RND1: variants seen among roughly 807,000 people sequenced by gnomAD.
The protein encoded by RND1 is Rho family GTPase 1, also known as rho-related GTP-binding protein Rho6.
In RND1, 9 loss-of-function variants were observed where a neutral mutation model predicts 27.1. The ratio of observed to expected loss-of-function variants is 0.33; its 90% CI spans 0.20 to 0.58. The LOEUF is 0.58. Among genes scored for constraint, RND1 ranks in the 20% least tolerant of loss-of-function variants. The probability of loss-of-function intolerance (pLI) is 0.86; values close to 1 mark genes in which losing one functional copy is unlikely to be tolerated. For missense variants in RND1, 253 were observed against 292.2 expected, an observed-to-expected ratio of 0.87 and a Z score of 0.98; for synonymous variants, 108 against 115.7, an observed-to-expected ratio of 0.93 and a Z score of 0.43.
rs1461489268 is a variant in RND1 at position 48,857,848 on chromosome 12, G to A, written c.*148C>T. The A allele has an allele frequency of 4.0e-5, 36 of 903,160 alleles. No homozygotes were observed. Among genetic ancestry groups the A allele is most frequent in the Middle Eastern group, 7.0e-4 (2 of 2,858 alleles). The allele number at this position is 903,160 out of a possible 1,614,324, so 55.9% of individuals were successfully genotyped here. On this transcript the variant is annotated 3_prime_UTR_variant, in exon 5 of 5. Coordinates refer to ENST00000309739, the MANE Select transcript of RND1 (RefSeq NM_014470.4). The stretch of plus-strand genomic sequence containing the variant: ...TCATGCCGGGCCTGGCTCCTTCCTC[G>A]CCCCATTCCTGTCTCCTTCCAAGCC...
intron 2 of RND1, among the ~76,000 whole-genome samples, 175 bp downstream of exon 2, chr12:48,864,608 A>G (rs1231944743): frequency 1.3e-5 from 2 of 151,662 alleles, no homozygotes; most frequent in African/African-American, 4.9e-5. Context: ...CCCACTCTGC[A>G]CCCTTGGACC....
intron 4 of RND1, 122 bp from the exon 5 acceptor site, chr12:48,858,363 C>G: frequency 9.5e-7 from 1 of 1,053,352 alleles, no homozygotes; most frequent in East Asian, 2.6e-5. Flanking sequence ...AAACACCACC[C>G]TCTGCAGATT....
chr12:48,858,837 G>A (rs558710553), intron 4 of RND1: 2 of 132,770 alleles, frequency 1.5e-5, no homozygotes, highest in African/African-American at 5.8e-5. Context: ...TCACACCACT[G>A]CACTTCATTC....
At chr12:48,864,434 T>TGC in intron 2 of RND1, among the ~76,000 whole-genome samples, 1 of 143,256 alleles carries the variant, frequency 7.0e-6, no homozygotes, top group East Asian at 2.0e-4. Context: ...CGCGCGTGTG[T>TGC]GTGCATGTGT....
In RND1 at chr12:48,858,034, A is replaced by C; in HGVS notation, c.661T>G (p.Phe221Val). Residue 221 changes from phenylalanine (F) to valine (V), a missense_variant, in exon 5 of 5, where the codon TTC becomes GTC. By Grantham distance (50) the Phe-to-Val change is conservative. Transcript: ENST00000309739. ...CAGCTTTTGGCCTTTTCCTTCTTGA[A>C]GGTAGAAGAGATGAGTTCAGAGCGA... ...PSRSELISSTFKKEKAKSCSI... is the reference protein window; with the variant it reads ...PSRSELISSTVKKEKAKSCSI... 6.2e-7 allele frequency: 1 copy of C among 1,612,010 alleles called. No individual in the cohort carries two copies. Among genetic ancestry groups the C allele is most frequent in the Non-Finnish European group, 8.5e-7 (1 of 1,179,054 alleles).
Position 48,857,887 on chromosome 12 carries a change from T to C in RND1, c.*109A>G. On this transcript the variant is annotated 3_prime_UTR_variant, in exon 5 of 5. Coordinates refer to ENST00000309739, the MANE Select transcript of RND1 (RefSeq NM_014470.4). ...TCCTTCCAAGCCCTCACCGTGGCCA[T>C]CTGAAAAACTCATGTCCAGTGTCCT... 7.4e-7 allele frequency: 1 copy of C among 1,351,616 alleles called. No individual in the cohort carries two copies. Among genetic ancestry groups the C allele is most frequent in the Admixed American group, 2.5e-5 (1 of 40,324 alleles). The allele number at this position is 1,351,616 out of a possible 1,614,324, so 83.7% of individuals were successfully genotyped here.
intron 4 of RND1, 131 bp downstream of exon 4, chr12:48,860,866 C>T: frequency 7.6e-7 from 1 of 1,316,394 alleles, no homozygotes; most frequent in Non-Finnish European, 1.1e-6. Flanking sequence ...CTCCAGGTGA[C>T]TCATTTGCTA....
chr12:48,865,845 G>A lies in RND1; in HGVS notation c.-78C>T. 2.0e-6 allele frequency: 3 copies of A among 1,511,934 alleles called. No individual in the cohort carries two copies. Among genetic ancestry groups the A allele is most frequent in the Middle Eastern group, 1.8e-4 (1 of 5,540 alleles). 93.7% of individuals were successfully genotyped at this position (1,511,934 alleles called of 1,614,324 possible). On this transcript the variant is annotated 5_prime_UTR_variant, in exon 1 of 5. Coordinates refer to ENST00000309739, the MANE Select transcript of RND1 (RefSeq NM_014470.4). ...AGGTGCGTCTCAGCACGCCAATCAA[G>A]CCAGATTCCCTGCCTCCCTCCAACT...
chr12:48,864,438 C>CGT (rs1491140050), intron 2 of RND1, among the ~76,000 whole-genome samples: 4 of 126,618 alleles, frequency 3.2e-5, no homozygotes, highest in Non-Finnish European at 7.1e-5. Context: ...CGTGTGTGTG[C>CGT]ATGTGTGTAC....
chr12:48,865,711 G>C lies in RND1; in HGVS notation c.57C>G (p.Val19=). Reference sequence around the variant, plus strand: ...CGGTCTTCCCACACTGCACGTCCCCGACCAGAACGAGCTTACATCTGGCCA... The same window carrying C: ...CGGTCTTCCCACACTGCACGTCCCCCACCAGAACGAGCTTACATCTGGCCA... ...PVVARCKLVL[V]GDVQCGKTAM... The change falls in exon 1 of 5, where the codon GTC becomes GTG. Residue 19 remains valine (V), a synonymous_variant. Coordinates refer to ENST00000309739, the MANE Select transcript of RND1 (RefSeq NM_014470.4). 1 of 1,613,894 alleles carries C rather than the reference G, an allele frequency of 6.2e-7. No homozygotes were observed.
Position 48,865,655 on chromosome 12 carries a change from T to A in RND1, c.113A>T (p.Tyr38Phe). Residue 38 changes from tyrosine to phenylalanine, a missense_variant, in exon 1 of 5, where the codon TAT (tyrosine) becomes TTT (phenylalanine). By Grantham distance (22) the Tyr-to-Phe change is conservative. Coordinates refer to ENST00000309739, the MANE Select transcript of RND1 (RefSeq NM_014470.4). ...GGCGGGCGGGCAGCTCACCTCTGGA[T>A]AGCAATCCTTCGCTAACACTTGCAA... Reference protein sequence around the residue: ...AMLQVLAKDCYPETYVPTVFE... With the variant: ...AMLQVLAKDCFPETYVPTVFE... The A allele has an allele frequency of 1.9e-6, 3 of 1,613,410 alleles. No individual in the cohort carries two copies. The highest frequency in any genetic ancestry group is 2.5e-6 in the Non-Finnish European group (3 of 1,179,740).
At chr12:48,860,754 G>A (rs867512360) in intron 4 of RND1, among the ~76,000 whole-genome samples, 2 of 151,738 alleles carry the variant, frequency 1.3e-5, no homozygotes, top group African/African-American at 4.8e-5. Context: ...TGATTCTAAC[G>A]CAGGTGGTCA....
At chr12:48,863,505 G>A (rs942228700) in intron 2 of RND1, among the ~76,000 whole-genome samples, 1 of 152,104 alleles carries the variant, frequency 6.6e-6, no homozygotes, top group Non-Finnish European at 1.5e-5. Context: ...GAAGGTGGGA[G>A]GGTACAGCAG....
chr12:48,861,094 C>A lies in RND1; in HGVS notation c.356G>T (p.Arg119Leu). ...TEILDYCPST[R>L]VLLIGCKTDL... ...TGTCTTGCAGCCAATGAGCAAAACGCGGGTGCTGGGACAATAATCTAGGAT... is the reference window on the plus strand; with the variant it reads ...TGTCTTGCAGCCAATGAGCAAAACGAGGGTGCTGGGACAATAATCTAGGAT... Residue 119 changes from arginine (R) to leucine (L), a missense_variant, in exon 4 of 5, where the codon CGC (arginine) becomes CTC (leucine). Coordinates refer to ENST00000309739, the MANE Select transcript of RND1 (RefSeq NM_014470.4). 2 of 1,613,738 alleles carry A rather than the reference C, an allele frequency of 1.2e-6. No individual in the cohort carries two copies. Among genetic ancestry groups the A allele is most frequent in the Non-Finnish European group, 8.5e-7 (1 of 1,179,788 alleles).
rs755279040 is a variant in RND1 at position 48,858,115 on chromosome 12, G to A, written c.580C>T (p.Leu194=). ...SMLCLNKPSP[L]PQKSPVRSLS... ...CTTCGGACAGGGCTCTTCTGGGGCA[G>A]TGGGCTAGGCTTGTTCAGACACAGC... The change falls in exon 5 of 5, where the codon CTG becomes TTG. Residue 194 remains leucine, a synonymous_variant. Transcript: ENST00000309739. 4 of 1,614,254 alleles carry A rather than the reference G, an allele frequency of 2.5e-6. No homozygotes were observed. The South Asian group carries it at 3.3e-5, about 13-fold the overall frequency.
Position 48,858,384 on chromosome 12 carries a change from CTTTTCTTT to C in RND1, c.454-151_454-144del. The C allele has an allele frequency of 1.1e-5, 7 of 646,496 alleles. No homozygotes were observed. The African/African-American group carries it at 1.4e-4, about 13-fold the overall frequency. The allele number at this position is 646,496 out of a possible 1,614,324, so 40.0% of individuals were successfully genotyped here. ...CACCCTCTGCAGATTATTCGATTAT[CTTTTCTTT>C]TTTTTTTTTTTTTTTGGCATACACC... On this transcript the variant is annotated intron_variant, in intron 4 of 4. Coordinates refer to ENST00000309739, the MANE Select transcript of RND1 (RefSeq NM_014470.4).
chr12:48,863,808 C>T (rs565618428), intron 2 of RND1, among the ~76,000 whole-genome samples: 9 of 152,238 alleles, frequency 5.9e-5, no homozygotes, highest in South Asian at 2.1e-4. Context: ...TAGTGATTTA[C>T]GGTCCCTTTT....
chr12:48,862,078 G>T lies in RND1; in HGVS notation c.249C>A (p.Ser83Arg). Residue 83 changes from serine to arginine, a missense_variant, in exon 3 of 5, where the codon AGC (serine) becomes AGA (arginine). By Grantham distance (110) the Ser-to-Arg change is moderately radical. Transcript: ENST00000309739. ...AACATAGTAATACTGCATCCGAGTCGCTGTAGCAGAGTGGACGGACATTAT... is the reference window on the plus strand; with the variant it reads ...AACATAGTAATACTGCATCCGAGTCTCTGTAGCAGAGTGGACGGACATTAT... ...YYDNVRPLCY[S>R]DSDAVLLCFD... 3 of 1,613,302 alleles carry T rather than the reference G, an allele frequency of 1.9e-6. No homozygotes were observed. Among genetic ancestry groups the T allele is most frequent in the Non-Finnish European group, 2.5e-6 (3 of 1,179,282 alleles).
At chr12:48,861,177 G>A in intron 3 of RND1, 46 bp from the exon 4 acceptor site, 3 of 1,559,640 alleles carry the variant, frequency 1.9e-6, no homozygotes, top group East Asian at 2.3e-5. Flanking sequence ...AGGAAGGAAG[G>A]AGAGTTAGTG....
Sources: allele counts gnomAD v4.1 joint callset (sites outside exome capture counted in the v4.1 genomes callset), GRCh38; gene constraint gnomAD v4.1.1; transcripts MANE v1.5; gene names NCBI Gene and HGNC (gene_info 2026-07-23, HGNC 2026-07-21).